MYO1D: variants seen among roughly 807,000 people sequenced by gnomAD.
The protein encoded by MYO1D is unconventional myosin-Id.
In MYO1D, 83 loss-of-function variants were observed where a neutral mutation model predicts 122.0. That is an observed-to-expected ratio of 0.68 (90% CI 0.57 to 0.82). The LOEUF is 0.82. Among genes scored for constraint, MYO1D ranks in the 40% least tolerant of loss-of-function variants. The pLI is 0.00. For synonymous variants in MYO1D, 464 were observed against 446.9 expected (o/e 1.04, Z -0.48); for missense variants, 1,157 against 1,269.5 (o/e 0.91, Z 1.35).
intron 1 of MYO1D, among the ~76,000 whole-genome samples, chr17:32,801,082 T>C (rs1406726457): frequency 2.0e-5 from 3 of 152,160 alleles, no homozygotes; most frequent in Non-Finnish European, 4.4e-5. Flanking sequence ...TCTTGCTCAT[T>C]TAAGCAGTAA....
In MYO1D at chr17:32,864,007, C is replaced by CTTTTTTTTTTTT. The variant is rs560953120; in HGVS notation, c.95+12759_95+12770dup. Among the ~76,000 whole-genome samples the CTTTTTTTTTTTT allele has an allele frequency of 6.2e-3, 303 of 48,968 alleles. 100 individuals carry two copies. Among genetic ancestry groups the CTTTTTTTTTTTT allele is most frequent in the East Asian group, 0.016 (12 of 752 alleles). 32.1% of individuals were successfully genotyped at this position (48,968 alleles called of 152,430 possible). On this transcript the variant is annotated intron_variant, in intron 1 of 21. Coordinates refer to ENST00000318217, the MANE Select transcript of MYO1D (RefSeq NM_015194.3). ...TAATTTTGGTTACAAACATTTCTTCCTTTTTTTTTTTTTTTTTTTTTTTTT... is the reference window on the plus strand; with the variant it reads ...TAATTTTGGTTACAAACATTTCTTCCTTTTTTTTTTTTTTTTTTTTTTTTTTTTTTTTTTTTT...
At chr17:32,631,782 C>T (rs991389440) in intron 20 of MYO1D, among the ~76,000 whole-genome samples, 1 of 152,052 alleles carries the variant, frequency 6.6e-6, no homozygotes, top group African/African-American at 2.4e-5. Context: ...CCTTATTCTT[C>T]GGAGATGCAC....
chr17:32,809,244 G>C (rs928802623), intron 1 of MYO1D, among the ~76,000 whole-genome samples: 1 of 150,954 alleles, frequency 6.6e-6, no homozygotes, highest in African/African-American at 2.4e-5. Context: ...TCAGCCTCCT[G>C]AGCTGCTAAG....
chr17:32,834,183 G>A (rs1325664865), intron 1 of MYO1D, among the ~76,000 whole-genome samples: 2 of 152,166 alleles, frequency 1.3e-5, no homozygotes, highest in South Asian at 2.1e-4. Flanking sequence ...TGTTTAGCCT[G>A]ATCAATATTA....
chr17:32,873,887 ACC>A (rs1449942192), intron 1 of MYO1D, among the ~76,000 whole-genome samples: 1 of 152,086 alleles, frequency 6.6e-6, no homozygotes, highest in East Asian at 1.9e-4. Context: ...AGACCTAAAA[ACC>A]TGGGCCTTAG....
intron 1 of MYO1D, among the ~76,000 whole-genome samples, chr17:32,841,466 CA>C (rs549196518): frequency 0.047 from 6,091 of 128,700 alleles, 291 homozygotes; most frequent in African/African-American, 0.14. Flanking sequence ...GACCCTGTCT[CA>C]AAAAAAAAAA....
At chr17:32,515,687 C>G (rs543728641) in intron 21 of MYO1D, among the ~76,000 whole-genome samples, 2 of 152,136 alleles carry the variant, frequency 1.3e-5, no homozygotes, top group Non-Finnish European at 2.9e-5. Context: ...GTCACTGAAC[C>G]TTGCTCCCAT....
chr17:32,692,832 G>A (rs1281599287), intron 16 of MYO1D, among the ~76,000 whole-genome samples: 2 of 152,136 alleles, frequency 1.3e-5, no homozygotes, highest in African/African-American at 4.8e-5. Flanking sequence ...AACTTAATGA[G>A]TTGCAAGGAT....
chr17:32,798,267 T>C (rs960863984), intron 1 of MYO1D, among the ~76,000 whole-genome samples: 20 of 152,222 alleles, frequency 1.3e-4, no homozygotes, highest in African/African-American at 4.8e-4. Context: ...CCAGACACCT[T>C]GTCTGCTGGC....
In MYO1D at chr17:32,494,633, G is replaced by T; in HGVS notation, c.*126C>A. ...AAAACCAGGAAGGAAATCTTACAGG[G>T]GCGGGGCTCCTCTGGGAGGGGCCCT... On this transcript the variant is annotated 3_prime_UTR_variant, in exon 22 of 22. Transcript: ENST00000318217. 1.8e-6 allele frequency: 2 copies of T among 1,116,412 alleles called. No individual in the cohort carries two copies. The highest frequency in any genetic ancestry group is 2.6e-5 in the East Asian group (1 of 38,384). The allele number at this position is 1,116,412 out of a possible 1,614,324, so 69.2% of individuals were successfully genotyped here.
intron 1 of MYO1D, among the ~76,000 whole-genome samples, chr17:32,848,957 ATAT>A (rs1427591459): frequency 3.3e-5 from 5 of 152,246 alleles, no homozygotes; most frequent in Non-Finnish European, 7.3e-5. Flanking sequence ...ACATAAACAT[ATAT>A]TATTAAGTAT....
At chr17:32,662,874 G>C (rs894245563) in intron 16 of MYO1D, among the ~76,000 whole-genome samples, 1 of 151,296 alleles carries the variant, frequency 6.6e-6, no homozygotes, top group Non-Finnish European at 1.5e-5. Flanking sequence ...CTATTTGAAA[G>C]TCTGTTCTTT....
intron 21 of MYO1D, among the ~76,000 whole-genome samples, chr17:32,581,568 C>T (rs1005987236): frequency 2.7e-5 from 4 of 150,580 alleles, no homozygotes; most frequent in African/African-American, 9.8e-5. Flanking sequence ...TCTCCATGCC[C>T]CTCTCGCTCT....
At chr17:32,674,530 T>C (rs1007241830) in intron 16 of MYO1D, among the ~76,000 whole-genome samples, 1 of 152,218 alleles carries the variant, frequency 6.6e-6, no homozygotes, top group East Asian at 1.9e-4. Flanking sequence ...GAATAGGTTT[T>C]TTTTTTAAAG....
intron 13 of MYO1D, among the ~76,000 whole-genome samples, chr17:32,744,337 C>T (rs1298066441): frequency 6.6e-6 from 1 of 152,176 alleles, no homozygotes; most frequent in African/African-American, 2.4e-5. Context: ...ATCTATAATT[C>T]CTTCCCAGCC....
chr17:32,595,556 T>C (rs2087483335), intron 21 of MYO1D, among the ~76,000 whole-genome samples: 1 of 152,104 alleles, frequency 6.6e-6, no homozygotes, highest in Admixed American at 6.6e-5. Context: ...GGAGAAGGAT[T>C]GAGTTACCAT....
intron 21 of MYO1D, among the ~76,000 whole-genome samples, chr17:32,524,698 G>C (rs1431753048): frequency 6.6e-6 from 1 of 151,986 alleles, no homozygotes; most frequent in South Asian, 2.1e-4. Context: ...GAGTAGCTGG[G>C]ATTACAGGTG....
intron 1 of MYO1D, among the ~76,000 whole-genome samples, chr17:32,793,138 A>G (rs981550828): frequency 6.6e-6 from 1 of 151,902 alleles, no homozygotes; most frequent in Non-Finnish European, 1.5e-5. Flanking sequence ...GCACTTAAGA[A>G]GCACCACCAC....
At chr17:32,781,063 T>C (rs2090231917) in intron 1 of MYO1D, among the ~76,000 whole-genome samples, 1 of 152,118 alleles carries the variant, frequency 6.6e-6, no homozygotes, top group African/African-American at 2.4e-5. Flanking sequence ...TACAGAAGGG[T>C]AAGAAGATGA....
Sources: allele counts gnomAD v4.1 joint callset (sites outside exome capture counted in the v4.1 genomes callset), GRCh38; gene constraint gnomAD v4.1.1; transcripts MANE v1.5; gene names NCBI Gene and HGNC (gene_info 2026-07-23, HGNC 2026-07-21).